The following NRG3 variants were observed in gnomAD, a reference collection of about 807,000 sequenced individuals.
NRG3 encodes pro-neuregulin-3, membrane-bound isoform.
NRG3 carries 31 observed loss-of-function variants against 66.9 expected under a neutral mutation model. That is an observed-to-expected ratio of 0.46 (90% CI 0.35 to 0.63). The LOEUF is 0.63. NRG3 is among the 20% of genes least tolerant of loss of function. The pLI is 0.00. For missense variants in NRG3, 910 were observed against 878.9 expected (o/e 1.04, Z -0.45); for synonymous variants, 393 against 359.4 (o/e 1.09, Z -1.06).
intron 2 of NRG3, among the ~76,000 whole-genome samples, chr10:82,706,621 C>T (rs544160570): frequency 6.6e-6 from 1 of 152,266 alleles, no homozygotes; most frequent in African/African-American, 2.4e-5. Flanking sequence ...CTTTATAAAT[C>T]TAACCATTTA....
chr10:82,809,167 A>G (rs1261722739), intron 3 of NRG3, among the ~76,000 whole-genome samples: 1 of 152,082 alleles, frequency 6.6e-6, no homozygotes, highest in East Asian at 1.9e-4. Flanking sequence ...ATATTATCCA[A>G]TATATATTTA....
At chr10:82,966,711 G>A (rs981900810) in intron 6 of NRG3, among the ~76,000 whole-genome samples, 1 of 152,092 alleles carries the variant, frequency 6.6e-6, no homozygotes, top group Admixed American at 6.6e-5. Flanking sequence ...CAAAGGGGTT[G>A]TCTCTTCTCT....
At chr10:82,230,597 G>T (rs990799589) in intron 1 of NRG3, among the ~76,000 whole-genome samples, 1 of 151,548 alleles carries the variant, frequency 6.6e-6, no homozygotes, top group Non-Finnish European at 1.5e-5. Flanking sequence ...AAAATATTCT[G>T]ACAATGAAAA....
chr10:82,872,800 C>T (rs1425918216), intron 4 of NRG3, among the ~76,000 whole-genome samples: 1 of 151,298 alleles, frequency 6.6e-6, no homozygotes, highest in Non-Finnish European at 1.5e-5. Flanking sequence ...AAAGGGGACA[C>T]TTAAGCTGAG....
At chr10:81,925,450 A>T (rs1039088263) in intron 1 of NRG3, among the ~76,000 whole-genome samples, 6 of 152,224 alleles carry the variant, frequency 3.9e-5, no homozygotes, top group Non-Finnish European at 7.3e-5. Flanking sequence ...ATAGATATGT[A>T]TGGACTTGGA....
chr10:82,959,460 CAGA>C (rs1850393568), intron 6 of NRG3, among the ~76,000 whole-genome samples: 1 of 152,072 alleles, frequency 6.6e-6, no homozygotes, highest in African/African-American at 2.4e-5. Context: ...CCCCCAGAAT[CAGA>C]AGAAGTGAGT....
At chr10:82,436,837 T>TTAAGAATGTTGAA (rs2090165947) in intron 2 of NRG3, among the ~76,000 whole-genome samples, 1 of 152,172 alleles carries the variant, frequency 6.6e-6, no homozygotes, top group Admixed American at 6.5e-5. Context: ...TGAAAATTAT[T>TTAAGAATGTTGAA]TTCTTTAAGA....
intron 2 of NRG3, among the ~76,000 whole-genome samples, chr10:82,452,838 A>G (rs186587840): frequency 1.3e-5 from 2 of 152,342 alleles, no homozygotes; most frequent in Admixed American, 6.5e-5. Flanking sequence ...TCCATTGAGC[A>G]CATGGCAAGG....
Position 82,583,960 on chromosome 10 carries a change from C to G in NRG3, c.954-154617C>G, listed in dbSNP as rs140251588. On this transcript the variant is annotated intron_variant, in intron 2 of 8. Coordinates refer to ENST00000372141, the MANE Select transcript of NRG3 (RefSeq NM_001010848.4). ...AGCCTATTCTACCCTTATTTATAAC[C>G]CTTATTTATAAAATAAGGATTAAAA... 2.1e-4 allele frequency among the ~76,000 whole-genome samples: 32 copies of G among 152,160 alleles called. No individual in the cohort carries two copies. The East Asian group carries it at 5.8e-3, about 28-fold the overall frequency.
chr10:82,960,534 T>C (rs1184443551), intron 6 of NRG3, among the ~76,000 whole-genome samples: 1 of 151,626 alleles, frequency 6.6e-6, no homozygotes. Context: ...TGATCTTCTG[T>C]GTAGAAAATG....
intron 1 of NRG3, among the ~76,000 whole-genome samples, chr10:82,004,961 C>T (rs1358119738): frequency 6.6e-6 from 1 of 152,214 alleles, no homozygotes; most frequent in African/African-American, 2.4e-5. Flanking sequence ...CTTACGGCAG[C>T]CCTAGCAAAT....
intron 4 of NRG3, among the ~76,000 whole-genome samples, chr10:82,870,259 G>T (rs1841211995): frequency 6.6e-6 from 1 of 152,270 alleles, no homozygotes; most frequent in East Asian, 1.9e-4. Context: ...ATTTCACTTA[G>T]TAATTTTCTC....
At position 82,985,081 on chromosome 10, in the gene NRG3, C is replaced by T. The variant is rs576437486; in HGVS notation, c.1584-17C>T. 6.2e-6 allele frequency: 10 copies of T among 1,609,736 alleles called. No individual in the cohort carries two copies. Among genetic ancestry groups the T allele is most frequent in the Middle Eastern group, 1.7e-4 (1 of 6,054 alleles). On this transcript the variant is annotated splice_polypyrimidine_tract_variant and intron_variant, in intron 8 of 8. Transcript: ENST00000372141. ...CTGGTAGAAAGCAGAAGGAGTAACACTGTGTTTCTTTTTCAGGTATTCATC... is the reference window on the plus strand; with the variant it reads ...CTGGTAGAAAGCAGAAGGAGTAACATTGTGTTTCTTTTTCAGGTATTCATC...
intron 2 of NRG3, among the ~76,000 whole-genome samples, chr10:82,661,499 AT>A (rs1339778407): frequency 6.6e-6 from 1 of 152,068 alleles, no homozygotes; most frequent in African/African-American, 2.4e-5. Flanking sequence ...AAGTAATTTT[AT>A]TTTACTTACC....
At chr10:82,520,981 A>C (rs1307509968) in intron 2 of NRG3, among the ~76,000 whole-genome samples, 1 of 152,142 alleles carries the variant, frequency 6.6e-6, no homozygotes, top group East Asian at 1.9e-4. Context: ...TCAGATAAAA[A>C]ATAATTTTTA....
At chr10:81,975,655 CA>C (rs1352210418) in intron 1 of NRG3, among the ~76,000 whole-genome samples, 1 of 152,162 alleles carries the variant, frequency 6.6e-6, no homozygotes, top group Non-Finnish European at 1.5e-5. Context: ...GCAGTGGCCT[CA>C]GGTGGAACTT....
chr10:82,573,858 G>T (rs1172450530), intron 2 of NRG3, among the ~76,000 whole-genome samples: 1 of 151,684 alleles, frequency 6.6e-6, no homozygotes, highest in Non-Finnish European at 1.5e-5. Context: ...CTCAAAAAAG[G>T]CTTCCTTCAG....
intron 1 of NRG3, among the ~76,000 whole-genome samples, chr10:82,138,636 C>T (rs909639994): frequency 2.6e-5 from 4 of 152,130 alleles, no homozygotes; most frequent in Admixed American, 6.6e-5. Flanking sequence ...ATCTGCAAGT[C>T]GAGGAGCAAG....
chr10:81,917,783 C>G (rs760700174), intron 1 of NRG3, among the ~76,000 whole-genome samples: 16 of 152,156 alleles, frequency 1.1e-4, no homozygotes, highest in Non-Finnish European at 2.2e-4. Context: ...TCCCTGACCC[C>G]CCTCCAAGCT....
Sources: allele counts gnomAD v4.1 joint callset (sites outside exome capture counted in the v4.1 genomes callset), GRCh38; gene constraint gnomAD v4.1.1; transcripts MANE v1.5; gene names NCBI Gene and HGNC (gene_info 2026-07-23, HGNC 2026-07-21).